Variants in PARVA observed in about 807,000 individuals in gnomAD.
PARVA encodes the protein alpha-parvin.
Under a neutral mutation model 52.6 loss-of-function variants are expected in PARVA, and 25 were observed. The ratio of observed to expected loss-of-function variants is 0.48; its 90% CI spans 0.35 to 0.66. PARVA has a LOEUF of 0.66. Among genes scored for constraint, PARVA ranks in the 30% least tolerant of loss-of-function variants. The pLI is 0.01. For synonymous variants in PARVA, 185 were observed against 179.1 expected (o/e 1.03, Z -0.26); for missense variants, 373 against 450.9 (o/e 0.83, Z 1.56).
chr11:12,387,538 G>T (rs529063811), intron 1 of PARVA, among the ~76,000 whole-genome samples: 6 of 130,106 alleles, frequency 4.6e-5, no homozygotes, highest in African/African-American at 1.6e-4. Flanking sequence ...ATTCTATCCA[G>T]GTCTCTATTT....
intron 4 of PARVA, among the ~76,000 whole-genome samples, chr11:12,481,211 G>A (rs1240549487): frequency 1.3e-5 from 2 of 152,092 alleles, no homozygotes; most frequent in African/African-American, 4.8e-5. Flanking sequence ...AGCAGAGATG[G>A]TCTCTTCTCT....
chr11:12,504,886 A>G (rs1941415583), intron 6 of PARVA, among the ~76,000 whole-genome samples: 1 of 151,984 alleles, frequency 6.6e-6, no homozygotes, highest in Non-Finnish European at 1.5e-5. Context: ...GGGGAGAACG[A>G]TATCTGTGCA....
At chr11:12,483,913 G>T (rs1564859071) in intron 4 of PARVA, among the ~76,000 whole-genome samples, 1 of 152,230 alleles carries the variant, frequency 6.6e-6, no homozygotes. Flanking sequence ...AGAATGAGGA[G>T]GAAGTTCCTT....
intron 1 of PARVA, among the ~76,000 whole-genome samples, chr11:12,446,600 T>C (rs1940551429): frequency 6.6e-6 from 1 of 152,236 alleles, no homozygotes; most frequent in Non-Finnish European, 1.5e-5. Context: ...TAAAACAGGC[T>C]AGGATCAATG....
In PARVA at chr11:12,393,520, AG is replaced by A. The variant is rs562606246; in HGVS notation, c.136+15740del. Reference sequence around the variant, plus strand: ...TGAGTTGTCTTCCACATGGTCATTCAGGGATCCAGGCCCCTTTCATCTTATG... The same window carrying A: ...TGAGTTGTCTTCCACATGGTCATTCAGGATCCAGGCCCCTTTCATCTTATG... On this transcript the variant is annotated intron_variant, in intron 1 of 12. Transcript: ENST00000334956. 8.5e-4 allele frequency among the ~76,000 whole-genome samples: 130 copies of A among 152,262 alleles called. 3 individuals are homozygous for A. Among genetic ancestry groups the A allele is most frequent in the Admixed American group, 8.4e-3 (128 of 15,300 alleles).
intron 1 of PARVA, among the ~76,000 whole-genome samples, chr11:12,417,959 G>C (rs1940090735): frequency 6.6e-6 from 1 of 152,228 alleles, no homozygotes; most frequent in Admixed American, 6.5e-5. Context: ...AGCAGTGCCA[G>C]ATGCTGATGC....
At chr11:12,380,676 G>A (rs1000208111) in intron 1 of PARVA, among the ~76,000 whole-genome samples, 4 of 150,514 alleles carry the variant, frequency 2.7e-5, no homozygotes, top group South Asian at 2.1e-4. Flanking sequence ...AGACCCGCTC[G>A]AAGTGAGCTC....
At chr11:12,397,973 C>T (rs1304955094) in intron 1 of PARVA, among the ~76,000 whole-genome samples, 1 of 152,162 alleles carries the variant, frequency 6.6e-6, no homozygotes, top group Non-Finnish European at 1.5e-5. Flanking sequence ...AAGTGTTCCA[C>T]TAGCCCAGCA....
chr11:12,416,264 G>A (rs1940065183), intron 1 of PARVA, among the ~76,000 whole-genome samples: 1 of 152,054 alleles, frequency 6.6e-6, no homozygotes, highest in Admixed American at 6.5e-5. Context: ...CGTTAGGGCT[G>A]GTTGAGGCAG....
In PARVA at chr11:12,531,897, A is replaced by G. The variant is rs1267992413; in HGVS notation, c.*3972A>G. On this transcript the variant is annotated 3_prime_UTR_variant, in exon 13 of 13. Transcript: ENST00000334956. ...CTGCCTCCACACATCAGCTTCCCAAATACTTGCAGATTTGGGTCTTACCAA... is the reference window on the plus strand; with the variant it reads ...CTGCCTCCACACATCAGCTTCCCAAGTACTTGCAGATTTGGGTCTTACCAA... 6.6e-6 allele frequency among the ~76,000 whole-genome samples: 1 copy of G among 152,144 alleles called. No individual in the cohort carries two copies. The highest frequency in any genetic ancestry group is 1.5e-5 in the Non-Finnish European group (1 of 68,028).
chr11:12,504,279 A>T (rs570007453), intron 5 of PARVA, 35 bp from the exon 6 acceptor site: 2 of 1,202,122 alleles, frequency 1.7e-6, no homozygotes, highest in South Asian at 2.5e-5. Flanking sequence ...ACCTGGAAGA[A>T]GATGCTGTAA....
chr11:12,414,483 C>T (rs4491200), intron 1 of PARVA, among the ~76,000 whole-genome samples: 7 of 152,174 alleles, frequency 4.6e-5, no homozygotes, highest in African/African-American at 9.6e-5. Context: ...AGGATCTTAA[C>T]GCTCTAAAAC....
chr11:12,417,041 G>A lies in PARVA; in HGVS notation c.136+39258G>A, dbSNP rs190306963. 8.5e-5 allele frequency among the ~76,000 whole-genome samples: 13 copies of A among 152,288 alleles called. No individual in the cohort carries two copies. The East Asian group carries it at 2.5e-3, about 29-fold the overall frequency. On this transcript the variant is annotated intron_variant, in intron 1 of 12. Coordinates refer to ENST00000334956, the MANE Select transcript of PARVA (RefSeq NM_018222.5). ...TATAATGGAGAACTGTGTTTGAGAA[G>A]GCCAAGGGCTGGTTCAGACTATAAG...
intron 1 of PARVA, among the ~76,000 whole-genome samples, chr11:12,444,125 T>C (rs918619527): frequency 6.6e-6 from 1 of 152,136 alleles, no homozygotes. Context: ...TTGCTCATGG[T>C]TTCCTCACAG....
Position 12,527,912 on chromosome 11 carries a change from G to A in PARVA, c.1106G>A (p.Arg369His), listed in dbSNP as rs1288006895. ...RVLYNLFTKY[R>H]NVE ...TTGTACAACCTCTTCACCAAGTACC[G>A]TAACGTGGAGTGAGGGGCTGCCCTG... is the stretch of plus-strand genomic sequence containing the variant. The change falls in exon 13 of 13, where the codon CGT becomes CAT. Residue 369 changes from arginine to histidine, a missense_variant. By Grantham distance (29) the Arg-to-His change is conservative (BLOSUM62 0). Coordinates refer to ENST00000334956, the MANE Select transcript of PARVA (RefSeq NM_018222.5). The A allele has an allele frequency of 1.9e-5, 30 of 1,611,736 alleles. No individual in the cohort carries two copies. Among genetic ancestry groups the A allele is most frequent in the East Asian group, 4.5e-5 (2 of 44,888 alleles).
At chr11:12,465,122 G>T (rs1363827269) in intron 1 of PARVA, among the ~76,000 whole-genome samples, 1 of 152,106 alleles carries the variant, frequency 6.6e-6, no homozygotes, top group East Asian at 1.9e-4. Context: ...TTCCTAACAG[G>T]CCATGGACCA....
At chr11:12,508,845 G>A (rs1162114137) in intron 7 of PARVA, among the ~76,000 whole-genome samples, 1 of 152,172 alleles carries the variant, frequency 6.6e-6, no homozygotes, top group Non-Finnish European at 1.5e-5. Context: ...TGGGGAAGTA[G>A]GGAGACGGAA....
chr11:12,461,240 C>T (rs1347220886), intron 1 of PARVA, among the ~76,000 whole-genome samples: 1 of 152,132 alleles, frequency 6.6e-6, no homozygotes, highest in East Asian at 1.9e-4. Flanking sequence ...ATAAGTAATG[C>T]CAGCTCCACC....
Position 12,534,642 on chromosome 11 carries a change from A to C in PARVA, c.*6717A>C, listed in dbSNP as rs1377947889. Among the ~76,000 whole-genome samples the C allele has an allele frequency of 6.6e-6, 1 of 152,248 alleles. No homozygotes were observed. The highest frequency in any genetic ancestry group is 1.5e-5 in the Non-Finnish European group (1 of 68,048). ...AAGACACACAAATGTCATTAAGGCA[A>C]CCGCTTAAAGGAGTGTGATATTTTA... On this transcript the variant is annotated 3_prime_UTR_variant, in exon 13 of 13. Transcript: ENST00000334956.
Sources: gnomAD v4.1 joint callset for allele counts (sites outside exome capture counted in the v4.1 genomes callset) on GRCh38, gnomAD v4.1.1 for gene constraint, MANE v1.5 for transcripts, NCBI Gene and HGNC (gene_info 2026-07-23, HGNC 2026-07-21) for gene names.